Variants in RPS6KA2 observed in about 807,000 individuals in gnomAD.
RPS6KA2 encodes the protein ribosomal protein S6 kinase alpha-2.
Under a neutral mutation model 91.8 loss-of-function variants are expected in RPS6KA2, and 42 were observed. That is an observed-to-expected ratio of 0.46 (90% CI 0.36 to 0.59). The LOEUF is 0.59. Among genes scored for constraint, RPS6KA2 ranks in the 20% least tolerant of loss-of-function variants. The pLI is 0.00. For synonymous variants in RPS6KA2, 414 were observed against 393.6 expected (o/e 1.05, Z -0.61); for missense variants, 798 against 978.5 (o/e 0.82, Z 2.46).
At chr6:166,483,177 G>A (rs1781294248) in intron 10 of RPS6KA2, among the ~76,000 whole-genome samples, 1 of 152,250 alleles carries the variant, frequency 6.6e-6, no homozygotes, top group South Asian at 2.1e-4. Context: ...TGTGTGGGGA[G>A]AGGACACGCG....
At chr6:166,661,181 A>C (rs1582996240) in intron 2 of RPS6KA2, among the ~76,000 whole-genome samples, 1 of 151,446 alleles carries the variant, frequency 6.6e-6, no homozygotes, top group African/African-American at 2.4e-5. Context: ...GCTCACTACA[A>C]CCCCTGCCTC....
At chr6:166,754,280 A>C (rs9347153) in intron 2 of RPS6KA2, among the ~76,000 whole-genome samples, 10,293 of 152,294 alleles carry the variant, frequency 0.068, 700 homozygotes, top group African/African-American at 0.16. Flanking sequence ...TCAGGAGACA[A>C]CTGTCAGCGA....
At chr6:166,838,916 G>A (rs1780386879) in intron 2 of RPS6KA2, among the ~76,000 whole-genome samples, 1 of 137,726 alleles carries the variant, frequency 7.3e-6, no homozygotes, top group South Asian at 2.1e-4. Context: ...GTCAGAGTCA[G>A]AGGACGAGAT....
chr6:166,833,456 T>C (rs1419866830), intron 2 of RPS6KA2, among the ~76,000 whole-genome samples: 2 of 152,232 alleles, frequency 1.3e-5, no homozygotes, highest in African/African-American at 2.4e-5. Context: ...TAGAGATCAA[T>C]GAATTTTTAC....
Position 166,598,165 on chromosome 6 carries a change from G to A in RPS6KA2, c.99+28756C>T, listed in dbSNP as rs888539102. Among the ~76,000 whole-genome samples the A allele has an allele frequency of 3.3e-5, 5 of 152,284 alleles. No homozygotes were observed. In the East Asian group the frequency reaches 5.8e-4, roughly 18 times the overall value. On this transcript the variant is annotated intron_variant, in intron 1 of 20. Coordinates refer to ENST00000265678, the MANE Select transcript of RPS6KA2 (RefSeq NM_021135.6). The stretch of plus-strand genomic sequence containing the variant: ...AACAAAACACTTCTCAGGAGAGAGC[G>A]GGGAGAAAGGAAGAGAAGACATTGT...
chr6:166,609,229 G>T (rs181784055), intron 1 of RPS6KA2, among the ~76,000 whole-genome samples: 2 of 152,304 alleles, frequency 1.3e-5, no homozygotes, highest in East Asian at 1.9e-4. Context: ...GTACTACAGA[G>T]ATGAAGCAGA....
chr6:166,609,417 T>A (rs1786078762), intron 1 of RPS6KA2, among the ~76,000 whole-genome samples: 1 of 152,142 alleles, frequency 6.6e-6, no homozygotes, highest in African/African-American at 2.4e-5. Context: ...AAAATTGCTA[T>A]AGCTACCATG....
chr6:166,607,880 T>G (rs1339129839), intron 1 of RPS6KA2, among the ~76,000 whole-genome samples: 1 of 152,146 alleles, frequency 6.6e-6, no homozygotes, highest in African/African-American at 2.4e-5. Context: ...CCAGGTGGCA[T>G]GTACCTGTGG....
chr6:166,685,011 G>C (rs1788961784), intron 2 of RPS6KA2, among the ~76,000 whole-genome samples: 1 of 152,234 alleles, frequency 6.6e-6, no homozygotes, highest in African/African-American at 2.4e-5. Flanking sequence ...TGCAGGAAGA[G>C]GGAGATGTCA....
intron 10 of RPS6KA2, among the ~76,000 whole-genome samples, chr6:166,485,570 A>ACATG (rs1288174459): frequency 1.3e-5 from 2 of 152,204 alleles, no homozygotes; most frequent in African/African-American, 4.8e-5. Flanking sequence ...CAGATCAGAA[A>ACATG]CATGACCTTT....
At chr6:166,564,986 C>G (rs1192140991) in intron 1 of RPS6KA2, among the ~76,000 whole-genome samples, 1 of 152,048 alleles carries the variant, frequency 6.6e-6, no homozygotes, top group Non-Finnish European at 1.5e-5. Flanking sequence ...TTTTAATTAC[C>G]CTTATGAGGT....
At chr6:166,616,461 G>A (rs2128537098) in intron 1 of RPS6KA2, among the ~76,000 whole-genome samples, 1 of 152,326 alleles carries the variant, frequency 6.6e-6, no homozygotes, top group African/African-American at 2.4e-5. Flanking sequence ...TGTCAACCGA[G>A]TCGCTCCTGT....
At chr6:166,799,225 G>A (rs145557367) in intron 2 of RPS6KA2, among the ~76,000 whole-genome samples, 255 of 152,284 alleles carry the variant, frequency 1.7e-3, no homozygotes, top group African/African-American at 5.6e-3. Context: ...CTGTGAACCC[G>A]GGCAGGGGCC....
At chr6:166,602,718 C>T (rs1785791326) in intron 1 of RPS6KA2, among the ~76,000 whole-genome samples, 1 of 152,124 alleles carries the variant, frequency 6.6e-6, no homozygotes, top group South Asian at 2.1e-4. Flanking sequence ...GACCTCAAAT[C>T]CAGGGAAATC....
At chr6:166,462,072 C>T (rs1049374480) in intron 11 of RPS6KA2, among the ~76,000 whole-genome samples, 20 of 152,256 alleles carry the variant, frequency 1.3e-4, no homozygotes, top group African/African-American at 3.6e-4. Context: ...CACAGCATCG[C>T]GCAGGTGCCA....
chr6:166,623,493 C>T (rs759707989), intron 1 of RPS6KA2, among the ~76,000 whole-genome samples: 20 of 152,276 alleles, frequency 1.3e-4, no homozygotes, highest in Admixed American at 2.6e-4. Context: ...GCATGGGTAA[C>T]GTATTTTGTA....
At chr6:166,637,649 G>C (rs529116721) in intron 2 of RPS6KA2, among the ~76,000 whole-genome samples, 45 of 152,366 alleles carry the variant, frequency 3.0e-4, no homozygotes, top group African/African-American at 1.1e-3. Flanking sequence ...GTCCAAGAGT[G>C]GGAAGAAAAG....
Position 166,538,703 on chromosome 6 carries a change from G to C in RPS6KA2, c.181C>G (p.Leu61Val). 1 of 1,610,858 alleles carries C rather than the reference G, an allele frequency of 6.2e-7. No individual in the cohort carries two copies. The highest frequency in any genetic ancestry group is 1.1e-5 in the South Asian group (1 of 90,956). The part of the protein sequence containing the change: ...FEKADPSQFE[L>V]LKVLGQGSYG... Reference sequence around the variant, plus strand: ...GATCCTTGTCCTAAAACCTTCAGCAGCTCAAACTGGGAAGGATCTGCCTTC... The same window carrying C: ...GATCCTTGTCCTAAAACCTTCAGCACCTCAAACTGGGAAGGATCTGCCTTC... The change falls in exon 2 of 21, where the codon CTG (leucine) becomes GTG (valine). Residue 61 changes from leucine (L) to valine (V), a missense_variant. Coordinates refer to ENST00000265678, the MANE Select transcript of RPS6KA2 (RefSeq NM_021135.6).
At chr6:166,853,357 A>G (rs868080868) in intron 2 of RPS6KA2, among the ~76,000 whole-genome samples, 8 of 152,354 alleles carry the variant, frequency 5.3e-5, no homozygotes, top group African/African-American at 1.7e-4. Context: ...TCACCTAAAA[A>G]TCATCTATGT....
Sources: gnomAD v4.1 joint callset for allele counts (sites outside exome capture counted in the v4.1 genomes callset) on GRCh38, gnomAD v4.1.1 for gene constraint, MANE v1.5 for transcripts, NCBI Gene and HGNC (gene_info 2026-07-23, HGNC 2026-07-21) for gene names.